PCTP: variants seen among roughly 807,000 people sequenced by gnomAD.
The protein encoded by PCTP is phosphatidylcholine transfer protein, also known as START domain-containing protein 2.
A neutral mutation model predicts 31.0 loss-of-function variants in PCTP; 27 were observed. The ratio of observed to expected loss-of-function variants is 0.87; its 90% CI spans 0.64 to 1.20. PCTP has a LOEUF of 1.20. PCTP is among the 50% of genes most tolerant of loss of function. PCTP has a pLI of 0.00. For missense variants in PCTP, 287 were observed against 268.2 expected (o/e 1.07, Z -0.49); for synonymous variants, 108 against 101.2 (o/e 1.07, Z -0.40).
chr17:55,782,412 C>A (rs1485631062), intron 2 of PCTP, among the ~76,000 whole-genome samples: 1 of 152,156 alleles, frequency 6.6e-6, no homozygotes, highest in African/African-American at 2.4e-5. Flanking sequence ...AAAGATTTAA[C>A]ATTTTGAAGC....
intron 1 of PCTP, among the ~76,000 whole-genome samples, chr17:55,757,040 G>A (rs1247667032): frequency 6.6e-6 from 1 of 152,076 alleles, no homozygotes; most frequent in East Asian, 2.0e-4. Context: ...GTTGTTGAGA[G>A]GATTGAACGA....
intron 5 of PCTP, among the ~76,000 whole-genome samples, chr17:55,830,237 G>T (rs989740156): frequency 6.6e-6 from 1 of 152,200 alleles, no homozygotes; most frequent in Non-Finnish European, 1.5e-5. Context: ...GTGCTGCGGG[G>T]TAGGGGGAGG....
At chr17:55,827,684 G>A (rs553767132), downstream of PCTP, among the ~76,000 whole-genome samples, 2 of 152,300 alleles carry the variant, frequency 1.3e-5, no homozygotes, top group Admixed American at 6.5e-5. Flanking sequence ...CTGGGATCAG[G>A]GGTTAGAGGG....
the PCTP span, among the ~76,000 whole-genome samples, chr17:55,848,172 G>T: frequency 9.9e-5 from 15 of 152,136 alleles, no homozygotes; most frequent in African/African-American, 3.4e-4. Flanking sequence ...AGCCTCCCCA[G>T]TTGCTGAGAT....
At chr17:55,796,176 TAATA>T (rs1230373931) in intron 3 of PCTP, among the ~76,000 whole-genome samples, 2 of 152,010 alleles carry the variant, frequency 1.3e-5, no homozygotes, top group South Asian at 2.1e-4. Flanking sequence ...GTGTCAGTAA[TAATA>T]AATAAATCTG....
chr17:55,760,597 A>G (rs1910289985), intron 1 of PCTP, among the ~76,000 whole-genome samples: 1 of 152,240 alleles, frequency 6.6e-6, no homozygotes, highest in African/African-American at 2.4e-5. Context: ...GCACTTTGGA[A>G]TAGTATATGG....
intron 3 of PCTP, among the ~76,000 whole-genome samples, chr17:55,822,156 G>A (rs941392347): frequency 2.6e-5 from 4 of 152,180 alleles, no homozygotes; most frequent in African/African-American, 7.2e-5. Context: ...GAGAAGGAAG[G>A]TGTTAAGCCC....
chr17:55,774,635 A>G (rs1390948892), intron 4 of PCTP, among the ~76,000 whole-genome samples, 157 bp from the exon 5 acceptor site: 1 of 152,168 alleles, frequency 6.6e-6, no homozygotes, highest in Non-Finnish European at 1.5e-5. Context: ...AGTATGCCAT[A>G]AGGGCAGTCA....
At chr17:55,802,655 A>G (rs1912426073) in intron 3 of PCTP, among the ~76,000 whole-genome samples, 1 of 152,216 alleles carries the variant, frequency 6.6e-6, no homozygotes, top group South Asian at 2.1e-4. Flanking sequence ...GGACTTTGAT[A>G]ACATTCAACA....
downstream of PCTP, among the ~76,000 whole-genome samples, chr17:55,844,596 C>A (rs1353840251): frequency 1.3e-5 from 2 of 152,112 alleles, no homozygotes; most frequent in South Asian, 2.1e-4. Context: ...CAAATTCATA[C>A]CGCGGACAGG....
At chr17:55,758,668 C>T (rs535200710) in intron 1 of PCTP, among the ~76,000 whole-genome samples, 5 of 152,138 alleles carry the variant, frequency 3.3e-5, no homozygotes, top group African/African-American at 4.8e-5. Context: ...CCAGGACACC[C>T]GTCTGTGGCA....
chr17:55,826,209 T>A (rs1905390048), downstream of PCTP, among the ~76,000 whole-genome samples: 1 of 152,120 alleles, frequency 6.6e-6, no homozygotes, highest in Non-Finnish European at 1.5e-5. Context: ...TGGGAAATGT[T>A]CTCTGCTCAT....
intron 3 of PCTP, among the ~76,000 whole-genome samples, chr17:55,771,957 AG>A (rs1461877816): frequency 6.6e-6 from 1 of 152,116 alleles, no homozygotes; most frequent in African/African-American, 2.4e-5. Context: ...CTTTTAGCAA[AG>A]GGTCTCTTGG....
At chr17:55,838,755 G>T (rs1905859825) in intron 5 of PCTP, among the ~76,000 whole-genome samples, 1 of 152,034 alleles carries the variant, frequency 6.6e-6, no homozygotes, top group Non-Finnish European at 1.5e-5. Context: ...AGACAACTCG[G>T]ATTTATTTTT....
chr17:55,849,368 A>G, the PCTP span, among the ~76,000 whole-genome samples: 2 of 152,230 alleles, frequency 1.3e-5, no homozygotes, highest in African/African-American at 4.8e-5. Context: ...CATGCCTGTA[A>G]TTCCAGCACT....
chr17:55,841,003 G>A (rs943507580), intron 5 of PCTP, among the ~76,000 whole-genome samples: 1 of 152,200 alleles, frequency 6.6e-6, no homozygotes, highest in Non-Finnish European at 1.5e-5. Context: ...GCTATCTGCA[G>A]TTTCAGGCAT....
chr17:55,830,154 C>A (rs1175299066), intron 5 of PCTP, among the ~76,000 whole-genome samples: 1 of 152,122 alleles, frequency 6.6e-6, no homozygotes, highest in Non-Finnish European at 1.5e-5. Flanking sequence ...CCCCAGAGAT[C>A]GCCACTTAAT....
chr17:55,769,567 C>A (rs1289688718), intron 2 of PCTP: 1 of 152,224 alleles, frequency 6.6e-6, no homozygotes, highest in Non-Finnish European at 1.5e-5. Flanking sequence ...CTGATGTTTG[C>A]TCCCCAACAT....
In PCTP at chr17:55,774,097, T is replaced by C. The variant is rs143077306; in HGVS notation, c.511+202T>C. ...TTGAGTAGAGTATGAGGTTGATGTT[T>C]AACTCTGACCCAGTCTATTTTCTCC... On this transcript the variant is annotated intron_variant, in intron 4 of 5. Coordinates refer to ENST00000268896, the MANE Select transcript of PCTP (RefSeq NM_021213.4). Among the ~76,000 whole-genome samples, 674 of 152,336 alleles carry C rather than the reference T, an allele frequency of 4.4e-3. 5 individuals are homozygous for C. Among genetic ancestry groups the C allele is most frequent in the Non-Finnish European group, 4.3e-3 (294 of 68,030 alleles).
Sources: allele counts gnomAD v4.1 joint callset (sites outside exome capture counted in the v4.1 genomes callset), GRCh38; gene constraint gnomAD v4.1.1; transcripts MANE v1.5; gene names NCBI Gene and HGNC (gene_info 2026-07-23, HGNC 2026-07-21).